Variants in ABR observed in about 807,000 individuals in gnomAD.
ABR encodes ABR activator of RhoGEF and GTPase.
A neutral mutation model predicts 107.2 loss-of-function variants in ABR; 35 were observed. That is an observed-to-expected ratio of 0.33 (90% CI 0.25 to 0.43). ABR has a LOEUF of 0.43. ABR is among the 20% of genes least tolerant of loss of function. The probability of loss-of-function intolerance (pLI) is 1.00; values close to 1 mark genes in which losing one functional copy is unlikely to be tolerated. For missense variants in ABR, 815 were observed against 1,115.2 expected (o/e 0.73, Z 3.83); for synonymous variants, 498 against 462.0 (o/e 1.08, Z -1.00).
chr17:1,060,852 C>T (rs937442291), intron 10 of ABR, among the ~76,000 whole-genome samples: 7 of 151,972 alleles, frequency 4.6e-5, no homozygotes, highest in African/African-American at 9.6e-5. Context: ...ATTAGCCAGG[C>T]GTGGTGGCGG....
chr17:1,012,344 A>C, intron 18 of ABR: 1 of 639,046 alleles, frequency 1.6e-6, no homozygotes. Flanking sequence ...GTGGTGGTGA[A>C]CCGGGGGACA....
At chr17:1,023,169 C>T (rs950347299) in intron 16 of ABR, among the ~76,000 whole-genome samples, 4 of 152,042 alleles carry the variant, frequency 2.6e-5, no homozygotes, top group East Asian at 3.9e-4. Context: ...GCCGGCCCCA[C>T]GTCCACTCCA....
intron 6 of ABR, among the ~76,000 whole-genome samples, chr17:1,074,140 G>A (rs546280597): frequency 6.3e-4 from 92 of 145,258 alleles, no homozygotes; most frequent in African/African-American, 2.0e-3. Context: ...CCTGCCACAC[G>A]CAGGACCCCA....
intron 6 of ABR, chr17:1,079,026 C>T (rs1440716887): frequency 5.6e-6 from 6 of 1,066,880 alleles, no homozygotes; most frequent in South Asian, 2.3e-5. Flanking sequence ...GAGGGAGGCG[C>T]GTGGCGAGGA....
intron 1 of ABR, among the ~76,000 whole-genome samples, chr17:1,227,393 G>A (rs2043242457): frequency 6.6e-6 from 1 of 152,170 alleles, no homozygotes; most frequent in South Asian, 2.1e-4. Flanking sequence ...TGGCACTAGG[G>A]TGAAATCTTC....
At position 1,200,781 on chromosome 17, in the gene ABR, G is replaced by T. The variant is rs1203046402; in HGVS notation, c.838+28012C>A. On this transcript the variant is annotated intron_variant, in intron 1 of 22. Coordinates refer to the ABR transcript ENST00000574139. This position sits in a 1 kb window ranked among gnomAD's most constrained non-coding sequence, Gnocchi z 4.1. ...GGTTACTTCGGGGAGACAGGAACAT[G>T]ACCTGGGTTATCAGCACCGTCCAGG... 1.3e-5 allele frequency among the ~76,000 whole-genome samples: 2 copies of T among 152,192 alleles called. No homozygotes were observed. The highest frequency in any genetic ancestry group is 2.9e-5 in the Non-Finnish European group (2 of 68,048).
intron 1 of ABR, among the ~76,000 whole-genome samples, chr17:1,177,187 G>A (rs2151619306): frequency 6.6e-6 from 1 of 152,358 alleles, no homozygotes; most frequent in South Asian, 2.1e-4. Context: ...CTTGCTGCCA[G>A]GCAAATGACA....
At chr17:1,133,190 C>T (rs970295017) in intron 1 of ABR, among the ~76,000 whole-genome samples, 1 of 149,038 alleles carries the variant, frequency 6.7e-6, no homozygotes, top group Non-Finnish European at 1.5e-5. Context: ...TGCGGTGAGC[C>T]AAGATCACAA....
intron 4 of ABR, among the ~76,000 whole-genome samples, chr17:1,087,575 CCTGACCTTAA>C (rs2036691971): frequency 6.6e-6 from 1 of 151,548 alleles, no homozygotes; most frequent in Non-Finnish European, 1.5e-5. Flanking sequence ...GGGGGTGGGG[CCTGACCTTAA>C]AAGGGGGCGG....
At chr17:1,036,329 G>T (rs761496416) in intron 16 of ABR, among the ~76,000 whole-genome samples, 9 of 152,166 alleles carry the variant, frequency 5.9e-5, no homozygotes, top group Non-Finnish European at 1.3e-4. Context: ...CCCAGGAGGA[G>T]CCTGGCACCC....
At chr17:1,144,948 G>A (rs1028640313) in intron 1 of ABR, among the ~76,000 whole-genome samples, 7 of 152,108 alleles carry the variant, frequency 4.6e-5, no homozygotes, top group African/African-American at 1.7e-4. Context: ...GAACCCAGGA[G>A]GTGGAGGTTG....
chr17:1,014,123 C>T (rs779313225), intron 16 of ABR, among the ~76,000 whole-genome samples: 1 of 152,164 alleles, frequency 6.6e-6, no homozygotes, highest in Non-Finnish European at 1.5e-5. Flanking sequence ...ACCCCAGCGA[C>T]GTGATACCCA....
At chr17:1,046,887 T>C (rs1316962550) in intron 16 of ABR, among the ~76,000 whole-genome samples, 1 of 152,174 alleles carries the variant, frequency 6.6e-6, no homozygotes, top group Non-Finnish European at 1.5e-5. Flanking sequence ...CACGAGGAGA[T>C]GGCATTTGGG....
Position 1,009,938 on chromosome 17 carries a change from G to A in ABR, c.2237-154C>T. 2.8e-5 allele frequency: 18 copies of A among 650,780 alleles called. No homozygotes were observed. The South Asian group carries it at 3.3e-4, about 12-fold the overall frequency. The allele number at this position is 650,780 out of a possible 1,614,324, so 40.3% of individuals were successfully genotyped here. A position where few individuals can be genotyped will look rare whatever the true frequency, so the allele number is the denominator to read the frequency against. On this transcript the variant is annotated intron_variant, in intron 20 of 22. Coordinates refer to ENST00000302538, the MANE Select transcript of ABR (RefSeq NM_021962.5). ...CAGGGGAGGGCCTGGTGTCTGGGTG[G>A]GCTGTCAGCAGCTGCTTCCTCCAGG...
At chr17:1,211,179 T>C (rs2042894659) in intron 1 of ABR, among the ~76,000 whole-genome samples, 2 of 152,176 alleles carry the variant, frequency 1.3e-5, no homozygotes, top group South Asian at 4.1e-4. Context: ...CTCAGGAGGC[T>C]GAGGCAGGAG....
intron 1 of ABR, among the ~76,000 whole-genome samples, chr17:1,215,294 A>G (rs12945615): frequency 0.96 from 145,411 of 151,464 alleles, 70,068 homozygotes; most frequent in East Asian, 1. Flanking sequence ...GCCGAGCCGA[A>G]GCTGGACTGT....
rs570863248 is a variant in ABR, at chr17:1,170,127, C to G, written c.61+9540G>C. 1.2e-3 allele frequency among the ~76,000 whole-genome samples: 181 copies of G among 152,248 alleles called. 1 individual carries two copies. Among genetic ancestry groups the G allele is most frequent in the African/African-American group, 4.2e-3 (176 of 41,554 alleles). ...ATGAGGAGACCTCCTTAGGCTCATG[C>G]CCCTAGGAAGAGGCAGCCCAGTTGG... On this transcript the variant is annotated intron_variant, in intron 1 of 22. Coordinates refer to ENST00000302538, the MANE Select transcript of ABR (RefSeq NM_021962.5).
intron 16 of ABR, among the ~76,000 whole-genome samples, chr17:1,028,038 G>A (rs2072356830): frequency 6.6e-6 from 1 of 152,038 alleles, no homozygotes; most frequent in African/African-American, 2.4e-5. Context: ...GACAGGCTCT[G>A]TGAGGGGTGG....
chr17:1,209,919 T>C (rs1598131457), intron 1 of ABR, among the ~76,000 whole-genome samples: 1 of 152,214 alleles, frequency 6.6e-6, no homozygotes, highest in Non-Finnish European at 1.5e-5. Flanking sequence ...ATTTACAAAT[T>C]CAGCAAATTT....
Sources: allele counts gnomAD v4.1 joint callset (sites outside exome capture counted in the v4.1 genomes callset), GRCh38; gene constraint gnomAD v4.1.1; non-coding constraint Gnocchi (gnomAD v3.1); transcripts MANE v1.5; gene names NCBI Gene and HGNC (gene_info 2026-07-23, HGNC 2026-07-21).